ADARB2: variants seen among roughly 807,000 people sequenced by gnomAD.
ADARB2 encodes adenosine deaminase RNA specific B2 (inactive), also known as inactive double-stranded RNA-specific editase B2.
In ADARB2, 25 loss-of-function variants were observed where a neutral mutation model predicts 62.2. The ratio of observed to expected loss-of-function variants is 0.40; its 90% confidence interval spans 0.29 to 0.56. The LOEUF is 0.56. Among genes scored for constraint, ADARB2 ranks in the 20% least tolerant of loss-of-function variants. The pLI is 0.43. For missense variants in ADARB2, 1,071 were observed against 1,077.4 expected (o/e 0.99, Z 0.08); for synonymous variants, 572 against 500.8 (o/e 1.14, Z -1.90).
At chr10:1,287,219 T>A (rs1402273362) in intron 3 of ADARB2, among the ~76,000 whole-genome samples, 5 of 152,202 alleles carry the variant, frequency 3.3e-5, no homozygotes, top group African/African-American at 1.2e-4. Flanking sequence ...AGTTGAATCA[T>A]AAGGAAATCA....
intron 2 of ADARB2, among the ~76,000 whole-genome samples, chr10:1,377,228 TG>T (rs1832440575): frequency 9.2e-6 from 1 of 109,202 alleles, no homozygotes; most frequent in Admixed American, 1.0e-4. Flanking sequence ...GCCCCTGGGG[TG>T]TGTTTGTGTG....
chr10:1,581,604 C>G (rs995226878), intron 1 of ADARB2, among the ~76,000 whole-genome samples: 1 of 152,188 alleles, frequency 6.6e-6, no homozygotes, highest in Non-Finnish European at 1.5e-5. Context: ...TGATACTACT[C>G]ACCTCATGGA....
Position 1,469,278 on chromosome 10 carries a change from G to A in ADARB2, c.101-90118C>T, listed in dbSNP as rs79040810. Among the ~76,000 whole-genome samples the A allele has an allele frequency of 3.1e-4, 47 of 152,296 alleles. No homozygotes were observed. In the East Asian group the frequency reaches 5.0e-3, roughly 16 times the overall value. ...TCTGCGCACGGCTCCGGGAGGTCAC[G>A]GCCTTCCCTTTATTGGCAAACACAA... On this transcript the variant is annotated intron_variant, in intron 1 of 9. Transcript: ENST00000381312.
At chr10:1,507,073 G>T (rs1207580831) in intron 1 of ADARB2, among the ~76,000 whole-genome samples, 1 of 152,238 alleles carries the variant, frequency 6.6e-6, no homozygotes, top group African/African-American at 2.4e-5. Flanking sequence ...GTGCCCCGCT[G>T]CTATGGCTGC....
chr10:1,562,271 C>A (rs182782133), intron 1 of ADARB2, among the ~76,000 whole-genome samples: 1 of 152,102 alleles, frequency 6.6e-6, no homozygotes, highest in African/African-American at 2.4e-5. Context: ...TGCTGCCAAT[C>A]CATGTCCCTC....
intron 1 of ADARB2, among the ~76,000 whole-genome samples, chr10:1,417,324 T>A (rs1216025462): frequency 1.3e-5 from 2 of 150,678 alleles, no homozygotes; most frequent in East Asian, 3.9e-4. Context: ...TATAGAACAG[T>A]CGGTCAGGAA....
chr10:1,296,553 G>A (rs1831525042), intron 3 of ADARB2, among the ~76,000 whole-genome samples: 1 of 152,170 alleles, frequency 6.6e-6, no homozygotes, highest in Admixed American at 6.5e-5. Context: ...TTCCTGTGGT[G>A]CTGTGGAGTA....
At chr10:1,529,066 TC>T (rs1832185260) in intron 1 of ADARB2, among the ~76,000 whole-genome samples, 1 of 143,260 alleles carries the variant, frequency 7.0e-6, no homozygotes, top group African/African-American at 2.5e-5. Context: ...AATCCTCCAA[TC>T]AGTCCACCCA....
At chr10:1,315,329 T>G (rs1033309480) in intron 3 of ADARB2, among the ~76,000 whole-genome samples, 1 of 152,146 alleles carries the variant, frequency 6.6e-6, no homozygotes, top group African/African-American at 2.4e-5. Context: ...TTCCAAGGTT[T>G]CCGCCTTCAT....
chr10:1,413,010 T>A (rs896457631), intron 1 of ADARB2, among the ~76,000 whole-genome samples: 1 of 152,030 alleles, frequency 6.6e-6, no homozygotes, highest in African/African-American at 2.4e-5. Flanking sequence ...GGATGGGCCC[T>A]CGGGCTGTGG....
At chr10:1,340,210 C>T (rs1832010976) in intron 3 of ADARB2, among the ~76,000 whole-genome samples, 2 of 149,964 alleles carry the variant, frequency 1.3e-5, no homozygotes, top group East Asian at 2.0e-4. Context: ...CAGAGAACCA[C>T]GCGCCCCACA....
At chr10:1,602,945 C>G (rs943476236) in intron 1 of ADARB2, among the ~76,000 whole-genome samples, 1 of 145,920 alleles carries the variant, frequency 6.9e-6, no homozygotes, top group Non-Finnish European at 1.5e-5. Context: ...CATGCGCACA[C>G]CTGTACACAC....
chr10:1,421,214 A>C (rs931036727), intron 1 of ADARB2, among the ~76,000 whole-genome samples: 1 of 151,834 alleles, frequency 6.6e-6, no homozygotes, highest in African/African-American at 2.4e-5. Context: ...CGTTACAGTC[A>C]AAGCACAGCC....
At chr10:1,273,040 C>T (rs1049901880) in intron 3 of ADARB2, among the ~76,000 whole-genome samples, 1 of 152,210 alleles carries the variant, frequency 6.6e-6, no homozygotes, top group African/African-American at 2.4e-5. Context: ...GTGTCTGTGT[C>T]TGCTCTTCTG....
At chr10:1,194,050 G>A (rs1836875496) in intron 8 of ADARB2, among the ~76,000 whole-genome samples, 1 of 152,076 alleles carries the variant, frequency 6.6e-6, no homozygotes, top group Non-Finnish European at 1.5e-5. Flanking sequence ...CTTATTACAT[G>A]CATTCAGACT....
At chr10:1,523,386 A>G (rs1022291244) in intron 1 of ADARB2, among the ~76,000 whole-genome samples, 3 of 152,206 alleles carry the variant, frequency 2.0e-5, no homozygotes, top group Non-Finnish European at 4.4e-5. Flanking sequence ...TGGCTCGGTT[A>G]CAGGGTTAAG....
chr10:1,697,026 C>T (rs1834755653), intron 1 of ADARB2, among the ~76,000 whole-genome samples: 1 of 151,896 alleles, frequency 6.6e-6, no homozygotes, highest in African/African-American at 2.4e-5. Context: ...TTATGTGTGG[C>T]CCAAGACAGT....
At chr10:1,409,531 G>A (rs1437107844) in intron 1 of ADARB2, among the ~76,000 whole-genome samples, 2 of 150,860 alleles carry the variant, frequency 1.3e-5, no homozygotes, top group African/African-American at 4.9e-5. Context: ...GTGGTCATGA[G>A]GAAGGATTCT....
intron 2 of ADARB2, among the ~76,000 whole-genome samples, chr10:1,366,639 C>A (rs1347575968): frequency 6.6e-6 from 1 of 152,140 alleles, no homozygotes; most frequent in African/African-American, 2.4e-5. Context: ...TCCTAGGCAT[C>A]GGATCACCCT....
Sources: allele counts gnomAD v4.1 joint callset (sites outside exome capture counted in the v4.1 genomes callset), GRCh38; gene constraint gnomAD v4.1.1; transcripts MANE v1.5; gene names NCBI Gene and HGNC (gene_info 2026-07-23, HGNC 2026-07-21).